The following SLC24A2 variants were observed in gnomAD, a reference collection of about 807,000 sequenced individuals.
The protein encoded by SLC24A2 is sodium/potassium/calcium exchanger 2.
Under a neutral mutation model 62.0 loss-of-function variants are expected in SLC24A2, and 36 were observed. The ratio of observed to expected loss-of-function variants is 0.58; its 90% CI spans 0.44 to 0.77. The LOEUF is 0.77. Among genes scored for constraint, SLC24A2 ranks in the 30% least tolerant of loss-of-function variants. The probability of loss-of-function intolerance (pLI) is 0.00; values close to 1 mark genes in which losing one functional copy is unlikely to be tolerated. For synonymous variants in SLC24A2, 358 were observed against 294.0 expected, an observed-to-expected ratio of 1.22 and a Z score of -2.23; for missense variants, 846 against 817.9, an observed-to-expected ratio of 1.03 and a Z score of -0.42.
At chr9:20,177,170 G>C in the SLC24A2 span, among the ~76,000 whole-genome samples, 1 of 151,792 alleles carries the variant, frequency 6.6e-6, no homozygotes. Flanking sequence ...TCTTGATATA[G>C]GCCATTTGTT....
intron 2 of SLC24A2, among the ~76,000 whole-genome samples, chr9:19,667,174 AAG>A (rs1340199032): frequency 6.6e-6 from 1 of 152,202 alleles, no homozygotes; most frequent in Non-Finnish European, 1.5e-5. Flanking sequence ...ATCATAACGA[AAG>A]AAAGAAGTTG....
chr9:20,265,461 T>A, the SLC24A2 span, among the ~76,000 whole-genome samples: 2 of 152,204 alleles, frequency 1.3e-5, no homozygotes, highest in African/African-American at 4.8e-5. Context: ...TTTACTGTAA[T>A]CTGTGAACAT....
At chr9:19,999,229 T>G in the SLC24A2 span, among the ~76,000 whole-genome samples, 1 of 152,198 alleles carries the variant, frequency 6.6e-6, no homozygotes, top group South Asian at 2.1e-4. Context: ...GAAGCCTGAG[T>G]AGTAGGTGAG....
the SLC24A2 span, among the ~76,000 whole-genome samples, chr9:20,033,505 G>C: frequency 6.6e-6 from 1 of 152,214 alleles, no homozygotes; most frequent in South Asian, 2.1e-4. Context: ...GTGGAGGGTA[G>C]AGAGTTGATA....
chr9:19,720,700 C>CCCA (rs561789600), intron 2 of SLC24A2, among the ~76,000 whole-genome samples: 138 of 137,314 alleles, frequency 1.0e-3, no homozygotes, highest in East Asian at 2.4e-3. Flanking sequence ...CCCCCCCCCC[C>CCCA]AAAAAAAATC....
At chr9:20,297,549 G>C in the SLC24A2 span, among the ~76,000 whole-genome samples, 1 of 152,194 alleles carries the variant, frequency 6.6e-6, no homozygotes, top group Non-Finnish European at 1.5e-5. Context: ...GGCCAGATGG[G>C]TGGACCCACC....
intron 2 of SLC24A2, among the ~76,000 whole-genome samples, chr9:19,623,579 T>C (rs62563278): frequency 0.067 from 10,144 of 152,330 alleles, 433 homozygotes; most frequent in South Asian, 0.13. Flanking sequence ...GCCAATCATT[T>C]AAGTTAGGAT....
the SLC24A2 span, among the ~76,000 whole-genome samples, chr9:20,062,011 G>T: frequency 6.6e-6 from 1 of 152,138 alleles, no homozygotes; most frequent in Non-Finnish European, 1.5e-5. Flanking sequence ...TAAGGCAGGA[G>T]GATTGCTTGA....
the SLC24A2 span, among the ~76,000 whole-genome samples, chr9:20,187,084 G>A: frequency 2.0e-5 from 3 of 152,250 alleles, no homozygotes; most frequent in African/African-American, 7.2e-5. Flanking sequence ...TGTCTCATGA[G>A]CCAGCAGAGC....
At chr9:19,584,465 G>A (rs1044050630) in intron 5 of SLC24A2, among the ~76,000 whole-genome samples, 4 of 152,054 alleles carry the variant, frequency 2.6e-5, no homozygotes, top group African/African-American at 9.7e-5. Flanking sequence ...GCCTTCTTAC[G>A]AGGGTATGGA....
chr9:20,072,118 C>G, the SLC24A2 span, among the ~76,000 whole-genome samples: 1 of 152,094 alleles, frequency 6.6e-6, no homozygotes, highest in Admixed American at 6.6e-5. Context: ...TTCCCAAACC[C>G]TGTCCTTTAA....
chr9:20,095,328 G>A, the SLC24A2 span, among the ~76,000 whole-genome samples: 7 of 152,178 alleles, frequency 4.6e-5, no homozygotes, highest in South Asian at 4.2e-4. Context: ...AATTTTATCC[G>A]TCAACTTGAT....
At chr9:20,243,988 C>T in the SLC24A2 span, among the ~76,000 whole-genome samples, 4 of 152,110 alleles carry the variant, frequency 2.6e-5, no homozygotes, top group Non-Finnish European at 5.9e-5. Context: ...GATTTCTAAA[C>T]TCAAACAGGA....
At chr9:19,730,369 A>T (rs1055953055) in intron 2 of SLC24A2, among the ~76,000 whole-genome samples, 1 of 152,308 alleles carries the variant, frequency 6.6e-6, no homozygotes, top group Admixed American at 6.5e-5. Flanking sequence ...TAATTACATA[A>T]ATATATGATA....
the SLC24A2 span, among the ~76,000 whole-genome samples, chr9:20,178,484 C>T: frequency 2.0e-5 from 3 of 152,176 alleles, no homozygotes; most frequent in African/African-American, 7.2e-5. Flanking sequence ...CTCCTTGCTG[C>T]CTTCTGTTCC....
chr9:20,205,968 T>A, the SLC24A2 span, among the ~76,000 whole-genome samples: 21 of 152,192 alleles, frequency 1.4e-4, no homozygotes, highest in African/African-American at 3.9e-4. Flanking sequence ...TGACTTCATG[T>A]TTTATAATGA....
At chr9:20,076,139 G>A in the SLC24A2 span, among the ~76,000 whole-genome samples, 1 of 152,040 alleles carries the variant, frequency 6.6e-6, no homozygotes, top group East Asian at 1.9e-4. Flanking sequence ...GGGATTCACA[G>A]ATGCGGAACC....
At chr9:20,029,666 C>T in the SLC24A2 span, among the ~76,000 whole-genome samples, 1 of 152,212 alleles carries the variant, frequency 6.6e-6, no homozygotes, top group African/African-American at 2.4e-5. Flanking sequence ...TTGCATTTAA[C>T]CCTCACAACA....
chr9:20,059,418 T>C, the SLC24A2 span, among the ~76,000 whole-genome samples: 1 of 152,182 alleles, frequency 6.6e-6, no homozygotes. Flanking sequence ...CAAGTCTCCA[T>C]AAATTTTAAA....
Sources: allele counts gnomAD v4.1 joint callset (sites outside exome capture counted in the v4.1 genomes callset), GRCh38; gene constraint gnomAD v4.1.1; transcripts MANE v1.5; gene names NCBI Gene and HGNC (gene_info 2026-07-23, HGNC 2026-07-21).